Variants in KCNT1 observed in about 807,000 individuals in gnomAD.
The protein encoded by KCNT1 is potassium channel subfamily T member 1.
Under a neutral mutation model 147.8 loss-of-function variants are expected in KCNT1, and 78 were observed. The observed-to-expected ratio is 0.53, with a 90% confidence interval of 0.44 to 0.64. The LOEUF (loss-of-function observed/expected upper bound fraction) is 0.64. Among genes scored for constraint, KCNT1 ranks in the 30% least tolerant of loss-of-function variants. The probability of loss-of-function intolerance (pLI) is 0.00; values close to 1 mark genes in which losing one functional copy is unlikely to be tolerated. For synonymous variants in KCNT1, 867 were observed against 748.8 expected, an observed-to-expected ratio of 1.16 and a Z score of -2.58; for missense variants, 1,419 against 1,750.3, an observed-to-expected ratio of 0.81 and a Z score of 3.38.
intron 1 of KCNT1, among the ~76,000 whole-genome samples, chr9:135,709,174 CTCT>C (rs1017391613): frequency 6.6e-6 from 1 of 152,184 alleles, no homozygotes; most frequent in African/African-American, 2.4e-5. Context: ...AGAAACCCAC[CTCT>C]TCTTTAGGGT....
rs1319658288 is a variant in KCNT1 at position 135,730,897 on chromosome 9, G to C, written c.254+16177G>C. ...GCTACTTGGGAAGCTGAGGCAGGAG[G>C]ATCACTTGAGCCCAGGAGGTCCAGG... On this transcript the variant is annotated intron_variant, in intron 2 of 30. Transcript: ENST00000371757. The surrounding 1 kb of genome is among the most constrained non-coding windows in gnomAD (Gnocchi z 4.7). Among the ~76,000 whole-genome samples the C allele has an allele frequency of 6.7e-6, 1 of 149,244 alleles. No individual in the cohort carries two copies. Among genetic ancestry groups the C allele is most frequent in the African/African-American group, 2.5e-5 (1 of 40,514 alleles).
intron 24 of KCNT1, among the ~76,000 whole-genome samples, chr9:135,782,038 A>C (rs1410345986): frequency 6.6e-6 from 1 of 152,006 alleles, no homozygotes; most frequent in African/African-American, 2.4e-5. Context: ...ACATGGAGAA[A>C]CCTCTCTACT....
rs773874266 is a variant in KCNT1 at position 135,702,274 on chromosome 9, G to C, written c.16G>C (p.Gly6Arg). 3 of 1,608,618 alleles carry C rather than the reference G, an allele frequency of 1.9e-6. No individual in the cohort carries two copies. Among genetic ancestry groups the C allele is most frequent in the Admixed American group, 3.3e-5 (2 of 59,802 alleles). ...GCCAGGCCGCATGCCACTCCCTGACGGGGCGCGGACCCCGGGGGGCGTCTG... is the reference window on the plus strand; with the variant it reads ...GCCAGGCCGCATGCCACTCCCTGACCGGGCGCGGACCCCGGGGGGCGTCTG... MPLPD[G>R]ARTPGGVCRE... The change falls in exon 1 of 31, where the codon GGG (glycine) becomes CGG (arginine). Residue 6 changes from glycine to arginine, a missense_variant. By Grantham distance (125) the Gly-to-Arg change is moderately radical. Transcript: ENST00000371757.
rs1191815122 is a variant in KCNT1, at chr9:135,778,515, G to A, written c.2594+20G>A. ...GGACAAGTAAGGCGTGGCCGGCCGA[G>A]GCTCGTGGGGGCTCCACACCCACCC... On this transcript the variant is annotated intron_variant, in intron 22 of 30. Transcript: ENST00000371757. 6.3e-7 allele frequency: 1 copy of A among 1,594,332 alleles called. No homozygotes were observed. The highest frequency in any genetic ancestry group is 1.1e-5 in the South Asian group (1 of 89,144).
chr9:135,787,573 C>T (rs534008268), intron 29 of KCNT1, among the ~76,000 whole-genome samples: 16 of 152,304 alleles, frequency 1.1e-4, no homozygotes, highest in African/African-American at 2.2e-4. Context: ...CAGGAGCTCA[C>T]GGCTGGCCCA....
rs776201547 is a variant in KCNT1, at chr9:135,731,960, GTA to G, written c.254+17271_254+17272del. 6.0e-3 allele frequency among the ~76,000 whole-genome samples: 248 copies of G among 41,238 alleles called. 3 individuals are homozygous for G. Among genetic ancestry groups the G allele is most frequent in the African/African-American group, 8.1e-3 (91 of 11,186 alleles). The allele number at this position is 41,238 out of a possible 152,430, so 27.1% of individuals were successfully genotyped here. On this transcript the variant is annotated intron_variant, in intron 2 of 30. Transcript: ENST00000371757. ...ATCTAAATACTTTTCAAATATGCGTGTATATATATATATATATATATATATAT... is the reference window on the plus strand; with the variant it reads ...ATCTAAATACTTTTCAAATATGCGTGTATATATATATATATATATATATAT...
intron 1 of KCNT1, among the ~76,000 whole-genome samples, chr9:135,709,079 G>A (rs1277743196): frequency 2.6e-5 from 4 of 152,182 alleles, no homozygotes; most frequent in African/African-American, 9.7e-5. Context: ...GTGAGACGCT[G>A]CCCTAGAACC....
At chr9:135,709,134 C>T (rs1410597300) in intron 1 of KCNT1, among the ~76,000 whole-genome samples, 19 of 152,226 alleles carry the variant, frequency 1.2e-4, no homozygotes, top group Admixed American at 1.2e-3. Flanking sequence ...TGGGGACAGT[C>T]TCTATATCAC....
chr9:135,721,920 CTG>C (rs1835939441), intron 2 of KCNT1, among the ~76,000 whole-genome samples: 1 of 152,212 alleles, frequency 6.6e-6, no homozygotes, highest in East Asian at 1.9e-4. Flanking sequence ...GCTGTGGAGA[CTG>C]TGGCTCCCGG....
intron 2 of KCNT1, among the ~76,000 whole-genome samples, chr9:135,737,707 G>C (rs552775212): frequency 6.6e-6 from 1 of 152,262 alleles, no homozygotes; most frequent in South Asian, 2.1e-4. Context: ...GCAGAGCAGG[G>C]CCTGGCAGAT....
chr9:135,758,612 G>A (rs370765012), intron 10 of KCNT1, 104 bp downstream of exon 10: 1 of 907,646 alleles, frequency 1.1e-6, no homozygotes, highest in East Asian at 2.6e-5. Flanking sequence ...AAGCTATCGG[G>A]GCAGAAAAGG....
intron 2 of KCNT1, among the ~76,000 whole-genome samples, chr9:135,732,026 A>AGAGAGAGAGAGAGG (rs1588279644): frequency 1.5e-5 from 2 of 131,764 alleles, no homozygotes; most frequent in East Asian, 2.3e-4. Context: ...AGAGAGAGAG[A>AGAGAGAGAGAGAGG]GAGAGAGAGA....
At chr9:135,782,291 A>G (rs1833666930) in intron 24 of KCNT1, among the ~76,000 whole-genome samples, 1 of 152,204 alleles carries the variant, frequency 6.6e-6, no homozygotes. Context: ...TGGCTCCAGA[A>G]GGCTCTCAGA....
rs1214788912 is a variant in KCNT1, at chr9:135,702,356, A to G, written c.98A>G (p.Gln33Arg). ...TNRTFEFDDG[Q>R]CAPRRPCAGD... ...CGGACCTTCGAGTTTGACGACGGCCAATGCGCCCCCAGGTACAGTCTGCTG... is the reference window on the plus strand; with the variant it reads ...CGGACCTTCGAGTTTGACGACGGCCGATGCGCCCCCAGGTACAGTCTGCTG... Residue 33 changes from glutamine to arginine, a missense_variant, in exon 1 of 31, where the codon CAA (glutamine) becomes CGA (arginine). Coordinates refer to ENST00000371757, the MANE Select transcript of KCNT1 (RefSeq NM_020822.3). 2 of 1,610,884 alleles carry G rather than the reference A, an allele frequency of 1.2e-6. No homozygotes were observed. Among genetic ancestry groups the G allele is most frequent in the Non-Finnish European group, 1.7e-6 (2 of 1,178,912 alleles).
intron 29 of KCNT1, among the ~76,000 whole-genome samples, chr9:135,786,838 G>T (rs141762970): frequency 6.6e-6 from 1 of 152,360 alleles, no homozygotes; most frequent in East Asian, 1.9e-4. Flanking sequence ...CTGCTCTGGG[G>T]CCTCAGTTTC....
intron 20 of KCNT1, among the ~76,000 whole-genome samples, chr9:135,775,644 C>T (rs1005068021): frequency 6.6e-6 from 1 of 152,236 alleles, no homozygotes; most frequent in Admixed American, 6.5e-5. Context: ...ATGTTAGAGG[C>T]ACCTGTTTTC....
At chr9:135,790,378 T>G (rs955646648) in intron 29 of KCNT1, 8 of 152,186 alleles carry the variant, frequency 5.3e-5, no homozygotes, top group African/African-American at 1.7e-4. Context: ...GACCCCACCA[T>G]GGGTTTTGGG....
intron 9 of KCNT1, among the ~76,000 whole-genome samples, chr9:135,757,776 G>A (rs1831593188): frequency 6.6e-6 from 1 of 152,194 alleles, no homozygotes; most frequent in Non-Finnish European, 1.5e-5. Context: ...GGGCCACGGG[G>A]CCACAGGCAG....
intron 29 of KCNT1, 51 bp downstream of exon 29, chr9:135,786,572 T>C: frequency 6.7e-7 from 1 of 1,489,876 alleles, no homozygotes; most frequent in Non-Finnish European, 8.9e-7. Context: ...TGGGCCAGGG[T>C]CGGGCCACAG....
Sources: gnomAD v4.1 joint callset for allele counts (sites outside exome capture counted in the v4.1 genomes callset) on GRCh38, gnomAD v4.1.1 for gene constraint, Gnocchi (gnomAD v3.1) non-coding constraint, MANE v1.5 for transcripts, NCBI Gene and HGNC (gene_info 2026-07-23, HGNC 2026-07-21) for gene names.